TTC3: variants seen among roughly 807,000 people sequenced by gnomAD.
TTC3 encodes E3 ubiquitin-protein ligase TTC3.
In TTC3, 180 loss-of-function variants were observed where a neutral mutation model predicts 249.6. The ratio of observed to expected loss-of-function variants is 0.72; its 90% CI spans 0.64 to 0.82. TTC3 has a LOEUF of 0.82. Among genes scored for constraint, TTC3 ranks in the 40% least tolerant of loss-of-function variants. The pLI is 0.00. For missense variants in TTC3, 2,061 were observed against 2,398.4 expected (o/e 0.86, Z 2.94); for synonymous variants, 717 against 805.0 (o/e 0.89, Z 1.85).
intron 1 of TTC3, chr21:37,086,212 TG>T (rs1454257162): frequency 6.6e-6 from 1 of 152,232 alleles, no homozygotes; most frequent in African/African-American, 2.4e-5. Context: ...GGACTGGTAG[TG>T]TTCTTGCTTT....
At chr21:37,144,400 A>C in intron 20 of TTC3, 125 bp from the exon 21 acceptor site, 1 of 1,154,138 alleles carries the variant, frequency 8.7e-7, no homozygotes. Context: ...GTTACATTGA[A>C]TATTGCTGTT....
At chr21:37,090,527 C>CT in intron 6 of TTC3, 1 of 905,226 alleles carries the variant, frequency 1.1e-6, no homozygotes, top group Non-Finnish European at 1.3e-6. Flanking sequence ...CAAGTTGATT[C>CT]TTTTTCTCTT....
chr21:37,167,150 A>T (rs182292826), intron 33 of TTC3, among the ~76,000 whole-genome samples: 291 of 152,336 alleles, frequency 1.9e-3, no homozygotes, highest in Non-Finnish European at 3.5e-3. Flanking sequence ...TCTCCTGTCA[A>T]ACCAGGGGAG....
intron 16 of TTC3, among the ~76,000 whole-genome samples, chr21:37,131,864 C>CTTCCT (rs2077497118): frequency 6.6e-6 from 1 of 152,158 alleles, no homozygotes; most frequent in Admixed American, 6.6e-5. Context: ...TCAGAAAACT[C>CTTCCT]CACATCGAGT....
intron 7 of TTC3, 151 bp downstream of exon 7, chr21:37,091,564 T>TATTA (rs1351465765): frequency 7.3e-6 from 2 of 273,660 alleles, no homozygotes; most frequent in African/African-American, 5.4e-5. Context: ...AATTTCTTTT[T>TATTA]TTTATTATTT....
intron 31 of TTC3, among the ~76,000 whole-genome samples, chr21:37,163,517 A>G (rs1376791694): frequency 6.6e-6 from 1 of 152,044 alleles, no homozygotes; most frequent in Non-Finnish European, 1.5e-5. Context: ...CGCCTGGCTA[A>G]TTTTGTATTT....
exon 35 of TTC3, chr21:37,172,642 A>G (rs761067217): frequency 3.0e-5 from 48 of 1,613,890 alleles, no homozygotes; most frequent in Non-Finnish European, 3.8e-5. Flanking sequence ...TACAAGACCA[A>G]CTTCAAGAAG....
intron 44 of TTC3, among the ~76,000 whole-genome samples, chr21:37,199,144 A>C (rs1362708014): frequency 6.6e-6 from 1 of 152,152 alleles, no homozygotes; most frequent in Non-Finnish European, 1.5e-5. Flanking sequence ...GAGAGACAGC[A>C]AAACCCTGAA....
intron 10 of TTC3, among the ~76,000 whole-genome samples, chr21:37,100,160 G>A (rs77058999): frequency 0.014 from 2,178 of 152,220 alleles, 126 homozygotes; most frequent in Admixed American, 0.11. Flanking sequence ...GGTGGTACAC[G>A]GTGGGTGTCA....
At chr21:37,090,753 T>C (rs2147685626) in intron 6 of TTC3, among the ~76,000 whole-genome samples, 1 of 152,372 alleles carries the variant, frequency 6.6e-6, no homozygotes, top group Non-Finnish European at 1.5e-5. Flanking sequence ...ATAACATTTC[T>C]GTGAATTCTT....
At chr21:37,105,474 A>G (rs1314706281) in intron 10 of TTC3, among the ~76,000 whole-genome samples, 2 of 152,164 alleles carry the variant, frequency 1.3e-5, no homozygotes, top group Non-Finnish European at 2.9e-5. Flanking sequence ...TGTAATTCAG[A>G]CATCTTTAGC....
intron 25 of TTC3, among the ~76,000 whole-genome samples, chr21:37,151,365 T>TTTCTTTTC: frequency 6.6e-6 from 1 of 152,294 alleles, no homozygotes; most frequent in East Asian, 1.9e-4. Flanking sequence ...CAGATTCTTT[T>TTTCTTTTC]TTCTTTTCTT....
intron 5 of TTC3, 51 bp downstream of exon 5, chr21:37,088,937 G>A (rs760108099): frequency 1.3e-6 from 2 of 1,503,270 alleles, no homozygotes; most frequent in Non-Finnish European, 1.8e-6. Context: ...AATAATATAA[G>A]CATTTATATG....
At chr21:37,113,331 T>A (rs1039178517) in intron 11 of TTC3, among the ~76,000 whole-genome samples, 9 of 152,246 alleles carry the variant, frequency 5.9e-5, no homozygotes, top group Admixed American at 2.0e-4. Flanking sequence ...GATAACCAAC[T>A]TCAGCAAAGT....
At chr21:37,088,296 A>G (rs1601299431) in exon 4 of TTC3, 1 of 1,613,580 alleles carries the variant, frequency 6.2e-7, no homozygotes, top group South Asian at 1.1e-5. Context: ...TTCTGTTTCA[A>G]CATCAAAACA....
At chr21:37,132,552 A>G in intron 16 of TTC3, 130 bp from the exon 17 acceptor site, 2 of 473,980 alleles carry the variant, frequency 4.2e-6, no homozygotes, top group Non-Finnish European at 7.4e-6. Flanking sequence ...ACCTCAGGTG[A>G]TCCACCCACC....
chr21:37,078,387 G>A (rs2071185421), intron 1 of TTC3, among the ~76,000 whole-genome samples: 1 of 152,152 alleles, frequency 6.6e-6, no homozygotes, highest in Non-Finnish European at 1.5e-5. Flanking sequence ...CAGTTTGGGG[G>A]AGAATCGAAA....
chr21:37,123,012 G>A (rs2076753037), exon 13 of TTC3: 1 of 1,613,880 alleles, frequency 6.2e-7, no homozygotes, highest in African/African-American at 1.3e-5. Flanking sequence ...TCCAATTAAA[G>A]CCTTTTATGA....
intron 11 of TTC3, among the ~76,000 whole-genome samples, chr21:37,115,117 C>CATGT (rs1431238996): frequency 1.3e-5 from 2 of 151,570 alleles, no homozygotes; most frequent in Non-Finnish European, 2.9e-5. Context: ...CAACATGGCA[C>CATGT]ATGTATACCT....
Sources: allele counts gnomAD v4.1 joint callset (sites outside exome capture counted in the v4.1 genomes callset), GRCh38; gene constraint gnomAD v4.1.1; transcripts MANE v1.5; gene names NCBI Gene and HGNC (gene_info 2026-07-23, HGNC 2026-07-21).